SASH1: variants seen among roughly 807,000 people sequenced by gnomAD.
SASH1 encodes the protein SAM and SH3 domain-containing protein 1.
Under a neutral mutation model 125.2 loss-of-function variants are expected in SASH1, and 44 were observed. The observed-to-expected ratio is 0.35, with a 90% CI of 0.28 to 0.45. The LOEUF (loss-of-function observed/expected upper bound fraction) is 0.45. Ranked by LOEUF, SASH1 falls within the 20% of genes least tolerant of loss-of-function variation. SASH1 has a pLI of 1.00. For missense variants in SASH1, 1,426 were observed against 1,614.5 expected, an observed-to-expected ratio of 0.88 and a Z score of 2.00; for synonymous variants, 639 against 649.1, an observed-to-expected ratio of 0.98 and a Z score of 0.24.
At chr6:148,527,992 G>C (rs866044498) in intron 12 of SASH1, among the ~76,000 whole-genome samples, 3 of 138,258 alleles carry the variant, frequency 2.2e-5, no homozygotes, top group Admixed American at 7.1e-5. Flanking sequence ...TTTTTTTGGG[G>C]GGGGGGGTGG....
intron 1 of SASH1, among the ~76,000 whole-genome samples, chr6:148,277,001 T>C (rs1779203413): frequency 6.6e-6 from 1 of 152,172 alleles, no homozygotes; most frequent in Non-Finnish European, 1.5e-5. Flanking sequence ...TGTTCTAAGC[T>C]CTTCAGACAT....
In SASH1 at chr6:148,525,321, A is replaced by T. The variant is rs776169463; in HGVS notation, c.1240A>T (p.Thr414Ser). 7.4e-6 allele frequency: 12 copies of T among 1,613,988 alleles called. No homozygotes were observed. The East Asian group carries it at 2.7e-4, about 36-fold the overall frequency. Residue 414 changes from threonine (T) to serine (S), a missense_variant, in exon 11 of 20, where the codon ACG becomes TCG. Thr to Ser is a moderately conservative substitution (Grantham distance 58). Coordinates refer to ENST00000367467, the MANE Select transcript of SASH1 (RefSeq NM_015278.5). Reference protein sequence around the residue: ...RTCSFGGFDLTNRSLHVGSNN... With the variant: ...RTCSFGGFDLSNRSLHVGSNN... ...CTGCAGTTTTGGAGGATTTGACTTG[A>T]CGAATCGCTCTCTGCACGTTGGCAG... is the stretch of plus-strand genomic sequence containing the variant.
rs1366569790 is a variant in SASH1, at chr6:148,343,158, C to T, written c.91C>T (p.Pro31Ser). 1.3e-6 allele frequency: 2 copies of T among 1,599,832 alleles called. No individual in the cohort carries two copies. Among genetic ancestry groups the T allele is most frequent in the Non-Finnish European group, 1.7e-6 (2 of 1,179,160 alleles). The change falls in exon 1 of 20, where the codon CCC becomes TCC. Residue 31 changes from proline (P) to serine (S), a missense_variant. By Grantham distance (74) the Pro-to-Ser change is moderately conservative. Coordinates refer to ENST00000367467, the MANE Select transcript of SASH1 (RefSeq NM_015278.5). ...GCCCGCGCCGGAGCCGGAACCGGAG[C>T]CCAAGCCGGGTGCTGGCACATCCGA... ...PEPAPEPEPE[P>S]KPGAGTSEAF...
At chr6:148,520,994 A>G (rs1780771445) in intron 10 of SASH1, among the ~76,000 whole-genome samples, 1 of 152,222 alleles carries the variant, frequency 6.6e-6, no homozygotes, top group Non-Finnish European at 1.5e-5. Context: ...ACATTTGGAA[A>G]TGCCTTCCCC....
At chr6:148,322,276 C>T (rs1377813578) in intron 1 of SASH1, among the ~76,000 whole-genome samples, 4 of 152,174 alleles carry the variant, frequency 2.6e-5, no homozygotes, top group Non-Finnish European at 5.9e-5. Flanking sequence ...CAGTTGAACC[C>T]GGGAAGTGGA....
At chr6:148,480,885 G>A (rs1284007379) in intron 7 of SASH1, 2 of 151,918 alleles carry the variant, frequency 1.3e-5, no homozygotes, top group Admixed American at 1.3e-4. Context: ...TTAAAAGATA[G>A]CTTAAGTTAG....
intron 1 of SASH1, among the ~76,000 whole-genome samples, chr6:148,355,868 A>G (rs1781909856): frequency 6.6e-6 from 1 of 152,134 alleles, no homozygotes; most frequent in African/African-American, 2.4e-5. Flanking sequence ...ATTTTTGAAT[A>G]CAGGTTAAAA....
At chr6:148,452,469 A>T (rs753137875) in intron 4 of SASH1, among the ~76,000 whole-genome samples, 48 of 151,940 alleles carry the variant, frequency 3.2e-4, no homozygotes, top group Non-Finnish European at 6.3e-4. Context: ...TTTAGCTTGG[A>T]CTCTGCATAT....
chr6:148,386,737 T>C (rs1265868585), intron 1 of SASH1, among the ~76,000 whole-genome samples: 1 of 152,176 alleles, frequency 6.6e-6, no homozygotes, highest in African/African-American at 2.4e-5. Flanking sequence ...CCGGTTGTGA[T>C]AGGGATCAGA....
chr6:148,219,195 C>T, the SASH1 span, among the ~76,000 whole-genome samples: 2 of 152,176 alleles, frequency 1.3e-5, no homozygotes. Context: ...CCTAGGTTCT[C>T]CATCTCCCTC....
Position 148,421,178 on chromosome 6 carries a change from A to G in SASH1, c.286-19006A>G, listed in dbSNP as rs543049141. Among the ~76,000 whole-genome samples the G allele has an allele frequency of 3.0e-3, 444 of 147,008 alleles. 2 individuals are homozygous for G. Among genetic ancestry groups the G allele is most frequent in the African/African-American group, 7.7e-3 (309 of 40,100 alleles). On this transcript the variant is annotated intron_variant, in intron 2 of 19. Transcript: ENST00000367467. The stretch of plus-strand genomic sequence containing the variant: ...GAAAGAAAGAAAGAAAGAAAGAAAG[A>G]AAGAAAGAAAGAAAGAAAGAAAGAA...
At chr6:148,348,417 C>T (rs2114652995) in intron 1 of SASH1, among the ~76,000 whole-genome samples, 1 of 152,286 alleles carries the variant, frequency 6.6e-6, no homozygotes, top group African/African-American at 2.4e-5. Flanking sequence ...CTGTTCTCTA[C>T]CTTGTCTTTC....
intron 7 of SASH1, among the ~76,000 whole-genome samples, chr6:148,486,210 T>C (rs1212777562): frequency 1.3e-5 from 2 of 152,164 alleles, no homozygotes; most frequent in South Asian, 4.1e-4. Context: ...AACCTCTGCC[T>C]CCCAGGTTCA....
chr6:148,397,657 TG>T (rs1355795103), intron 2 of SASH1, among the ~76,000 whole-genome samples: 4 of 152,328 alleles, frequency 2.6e-5, no homozygotes, highest in South Asian at 2.1e-4. Context: ...CTGCCTGGTT[TG>T]AGGGCAGGGA....
chr6:148,307,086 T>TTC (rs1780161662), intron 1 of SASH1, among the ~76,000 whole-genome samples: 1 of 120,910 alleles, frequency 8.3e-6, no homozygotes, highest in African/African-American at 3.5e-5. Context: ...CTTTCTTTCT[T>TTC]TCTTTCTTTC....
intron 1 of SASH1, among the ~76,000 whole-genome samples, chr6:148,303,594 C>T (rs1285247651): frequency 4.6e-5 from 7 of 151,562 alleles, no homozygotes; most frequent in Middle Eastern, 3.4e-3. Flanking sequence ...GTCAGGAGTT[C>T]GAGACCAGCC....
chr6:148,233,771 G>C, the SASH1 span, among the ~76,000 whole-genome samples: 1 of 76,672 alleles, frequency 1.3e-5, no homozygotes, highest in Admixed American at 1.3e-4. Flanking sequence ...AAATTAGCTG[G>C]ACATGGTGGC....
chr6:148,322,658 G>T (rs1371946990), intron 1 of SASH1, among the ~76,000 whole-genome samples: 2 of 152,124 alleles, frequency 1.3e-5, no homozygotes, highest in Non-Finnish European at 2.9e-5. Flanking sequence ...GGACACTGCG[G>T]ATCCCTTACT....
the SASH1 span, among the ~76,000 whole-genome samples, chr6:148,209,453 C>T: frequency 6.6e-6 from 1 of 152,160 alleles, no homozygotes; most frequent in Admixed American, 6.5e-5. Context: ...AAGAGAAATT[C>T]ATAGGGGTTT....
Sources: gnomAD v4.1 joint callset for allele counts (sites outside exome capture counted in the v4.1 genomes callset) on GRCh38, gnomAD v4.1.1 for gene constraint, MANE v1.5 for transcripts, NCBI Gene and HGNC (gene_info 2026-07-23, HGNC 2026-07-21) for gene names.